DIP2B: variants seen among roughly 807,000 people sequenced by gnomAD.
DIP2B encodes DIP2 acetate--CoA ligase B (putative).
Under a neutral mutation model 198.0 loss-of-function variants are expected in DIP2B, and 76 were observed. That is an observed-to-expected ratio of 0.38 (90% confidence interval 0.32 to 0.46). DIP2B has a LOEUF of 0.46. DIP2B is among the 20% of genes least tolerant of loss of function. The pLI is 0.99. For missense variants in DIP2B, 1,559 were observed against 1,978.4 expected, an observed-to-expected ratio of 0.79 and a Z score of 4.02; for synonymous variants, 701 against 739.1, an observed-to-expected ratio of 0.95 and a Z score of 0.84.
At chr12:50,654,135 A>G (rs1176864169) in intron 3 of DIP2B, among the ~76,000 whole-genome samples, 1 of 152,124 alleles carries the variant, frequency 6.6e-6, no homozygotes, top group African/African-American at 2.4e-5. Context: ...TGGCCTCCCA[A>G]AGTGCTGGGA....
intron 1 of DIP2B, among the ~76,000 whole-genome samples, chr12:50,601,718 C>T (rs1958938507): frequency 6.6e-6 from 1 of 152,038 alleles, no homozygotes; most frequent in African/African-American, 2.4e-5. Flanking sequence ...GTGAACACTC[C>T]TCTTCCTTCT....
At chr12:50,719,641 A>G (rs1481897949) in intron 25 of DIP2B, among the ~76,000 whole-genome samples, 1 of 151,984 alleles carries the variant, frequency 6.6e-6, no homozygotes, top group East Asian at 1.9e-4. Context: ...CAGGAGTTCA[A>G]GACTAGCCTG....
At chr12:50,601,327 C>T (rs1042168693) in intron 1 of DIP2B, among the ~76,000 whole-genome samples, 1 of 143,406 alleles carries the variant, frequency 7.0e-6, no homozygotes, top group South Asian at 2.2e-4. Flanking sequence ...CTATATATAT[C>T]TATATATTTT....
At chr12:50,635,594 C>G (rs1250133073) in intron 2 of DIP2B, among the ~76,000 whole-genome samples, 1 of 152,126 alleles carries the variant, frequency 6.6e-6, no homozygotes, top group East Asian at 1.9e-4. Flanking sequence ...CGCAGTTCTT[C>G]TAGGTTCAGT....
At chr12:50,719,317 AG>A (rs1215899281) in intron 25 of DIP2B, among the ~76,000 whole-genome samples, 1 of 152,238 alleles carries the variant, frequency 6.6e-6, no homozygotes, top group Non-Finnish European at 1.5e-5. Flanking sequence ...GCAATTACAT[AG>A]ATACACAGAT....
Position 50,745,572 on chromosome 12 carries a change from C to A in DIP2B, c.*733C>A, listed in dbSNP as rs1455544275. 6.6e-6 allele frequency: 1 copy of A among 152,464 alleles called. No homozygotes were observed. The highest frequency in any genetic ancestry group is 1.9e-4 in the East Asian group (1 of 5,200). 9.4% of individuals were successfully genotyped at this position (152,464 alleles called of 1,614,324 possible). A position where few individuals can be genotyped will look rare whatever the true frequency, so the allele number is the denominator to read the frequency against. Reference sequence around the variant, plus strand: ...TTGGCAGGTTTTGCTGCACATTGTTCTATGTCTTTGTTGGCTGGTGTATTT... The same window carrying A: ...TTGGCAGGTTTTGCTGCACATTGTTATATGTCTTTGTTGGCTGGTGTATTT... On this transcript the variant is annotated 3_prime_UTR_variant, in exon 38 of 38. Coordinates refer to ENST00000301180, the MANE Select transcript of DIP2B (RefSeq NM_173602.3).
At chr12:50,547,667 T>C (rs573773170) in intron 1 of DIP2B, among the ~76,000 whole-genome samples, 11 of 152,328 alleles carry the variant, frequency 7.2e-5, no homozygotes, top group African/African-American at 2.4e-4. Context: ...AAAATAAGTC[T>C]ACTAAAAGAG....
At chr12:50,706,814 C>CTTT in intron 21 of DIP2B, 149 bp downstream of exon 21, 1 of 521,078 alleles carries the variant, frequency 1.9e-6, no homozygotes, top group South Asian at 4.7e-5. Context: ...TTTTTTTTTT[C>CTTT]TTCTTCTTCT....
chr12:50,548,125 A>G (rs1486835729), intron 1 of DIP2B, among the ~76,000 whole-genome samples: 2 of 152,166 alleles, frequency 1.3e-5, no homozygotes, highest in Non-Finnish European at 2.9e-5. Context: ...GGAAAAACGC[A>G]TTGATTTTAG....
intron 1 of DIP2B, among the ~76,000 whole-genome samples, chr12:50,562,493 G>A (rs1171673812): frequency 1.3e-5 from 2 of 152,006 alleles, no homozygotes; most frequent in African/African-American, 4.8e-5. Flanking sequence ...CTAGCACTTT[G>A]GGAAACCGAG....
At chr12:50,719,840 CA>C (rs1485329577) in intron 25 of DIP2B, among the ~76,000 whole-genome samples, 2 of 142,072 alleles carry the variant, frequency 1.4e-5, no homozygotes, top group East Asian at 4.1e-4. Context: ...GACCCTGTCT[CA>C]AAAATAAAAA....
At chr12:50,609,750 TAAAAG>T (rs770055238) in intron 1 of DIP2B, among the ~76,000 whole-genome samples, 4 of 152,224 alleles carry the variant, frequency 2.6e-5, no homozygotes, top group Non-Finnish European at 4.4e-5. Flanking sequence ...TTGTGGAAGA[TAAAAG>T]AAGAGATAGG....
intron 1 of DIP2B, among the ~76,000 whole-genome samples, chr12:50,579,110 G>A (rs1375876260): frequency 1.3e-5 from 2 of 151,816 alleles, no homozygotes; most frequent in Non-Finnish European, 2.9e-5. Context: ...TTGTACAATT[G>A]TTTGAGAGTT....
At chr12:50,552,715 C>G (rs1397898468) in intron 1 of DIP2B, among the ~76,000 whole-genome samples, 1 of 152,038 alleles carries the variant, frequency 6.6e-6, no homozygotes, top group Admixed American at 6.6e-5. Flanking sequence ...GGCGTCATAT[C>G]CAAGAAATTC....
intron 1 of DIP2B, among the ~76,000 whole-genome samples, chr12:50,527,180 A>G (rs1958174463): frequency 6.6e-6 from 1 of 152,250 alleles, no homozygotes; most frequent in Non-Finnish European, 1.5e-5. Flanking sequence ...ATAATTAGCC[A>G]TATGGCAAAT....
At chr12:50,682,070 A>G (rs1196651752) in intron 9 of DIP2B, among the ~76,000 whole-genome samples, 10 of 152,218 alleles carry the variant, frequency 6.6e-5, no homozygotes, top group Admixed American at 6.5e-4. Context: ...ACCAAGTAAG[A>G]AACTCCGCAG....
chr12:50,580,413 T>A (rs542120895), intron 1 of DIP2B, among the ~76,000 whole-genome samples: 1 of 149,220 alleles, frequency 6.7e-6, no homozygotes, highest in South Asian at 2.2e-4. Context: ...TAATTTCCTT[T>A]AATTTTATTT....
chr12:50,741,147 A>T (rs1173995326), intron 36 of DIP2B, among the ~76,000 whole-genome samples: 1 of 152,244 alleles, frequency 6.6e-6, no homozygotes, highest in Non-Finnish European at 1.5e-5. Context: ...ACTAACAGCT[A>T]ATTTCTGGTA....
In DIP2B at chr12:50,748,068, C is replaced by T. The variant is rs1169707690; in HGVS notation, c.*3229C>T. The T allele has an allele frequency of 1.3e-5, 2 of 152,642 alleles. No individual in the cohort carries two copies. The highest frequency in any genetic ancestry group is 4.8e-5 in the African/African-American group (2 of 41,456). The allele number at this position is 152,642 out of a possible 1,614,324, so 9.5% of individuals were successfully genotyped here. ...CTGTCTCCTTACTTTAGTCCCTGGG[C>T]AATCCTTGCTTAATGCTTTTGTTGA... On this transcript the variant is annotated 3_prime_UTR_variant, in exon 38 of 38. Transcript: ENST00000301180.
Sources: gnomAD v4.1 joint callset for allele counts (sites outside exome capture counted in the v4.1 genomes callset) on GRCh38, gnomAD v4.1.1 for gene constraint, MANE v1.5 for transcripts, NCBI Gene and HGNC (gene_info 2026-07-23, HGNC 2026-07-21) for gene names.